Variants in ADAD1 observed in about 807,000 individuals in gnomAD.
ADAD1 encodes the protein adenosine deaminase domain containing 1.
In ADAD1, 46 loss-of-function variants were observed where a neutral mutation model predicts 66.8. The observed-to-expected ratio is 0.69, with a 90% confidence interval of 0.54 to 0.88. The LOEUF (loss-of-function observed/expected upper bound fraction) is 0.88. Among genes scored for constraint, ADAD1 ranks in the 40% least tolerant of loss-of-function variants. The pLI, the probability that ADAD1 is intolerant of heterozygous loss-of-function variation, is 0.00. For synonymous variants in ADAD1, 248 were observed against 229.4 expected (o/e 1.08, Z -0.73); for missense variants, 617 against 681.8 (o/e 0.91, Z 1.06).
intron 5 of ADAD1, among the ~76,000 whole-genome samples, chr4:122,384,774 C>A (rs886640149): frequency 1.3e-5 from 2 of 152,132 alleles, no homozygotes; most frequent in African/African-American, 2.4e-5. Flanking sequence ...ACTTTAGTTT[C>A]TAAAACATTT....
intron 8 of ADAD1, among the ~76,000 whole-genome samples, chr4:122,408,319 G>C (rs576769711): frequency 6.6e-6 from 1 of 152,264 alleles, no homozygotes; most frequent in East Asian, 1.9e-4. Flanking sequence ...TTGCTGCCCA[G>C]GCTGGAATAC....
chr4:122,422,467 G>A lies in ADAD1; in HGVS notation c.1617+1077G>A, dbSNP rs550369419. ...ATGTTACCATTATTAAATATTAAAT[G>A]TAAATTGTTTTGCTATCCTAATGCC... On this transcript the variant is annotated intron_variant, in intron 12 of 12. Transcript: ENST00000296513. Among the ~76,000 whole-genome samples, 26 of 152,232 alleles carry A rather than the reference G, an allele frequency of 1.7e-4. No homozygotes were observed. The South Asian group carries it at 4.1e-3, about 24-fold the overall frequency.
chr4:122,399,740 C>CTTTTTTTTTTT (rs145100591), intron 7 of ADAD1, among the ~76,000 whole-genome samples: 4 of 110,528 alleles, frequency 3.6e-5, no homozygotes, highest in East Asian at 2.6e-4. Flanking sequence ...ATTTTCTTTT[C>CTTTTTTTTTTT]TTTTTTTTTT....
chr4:122,398,265 C>T (rs534132314), intron 7 of ADAD1, among the ~76,000 whole-genome samples: 2 of 152,022 alleles, frequency 1.3e-5, no homozygotes, highest in South Asian at 2.1e-4. Context: ...TTCCTCGTTA[C>T]TTCCCTTAGA....
intron 12 of ADAD1, among the ~76,000 whole-genome samples, chr4:122,424,964 T>A (rs981363507): frequency 5.3e-5 from 8 of 152,004 alleles, no homozygotes; most frequent in African/African-American, 1.9e-4. Flanking sequence ...GAAATATTGC[T>A]AGAGACAGAG....
At chr4:122,402,633 T>G (rs186401247) in intron 7 of ADAD1, among the ~76,000 whole-genome samples, 2 of 152,140 alleles carry the variant, frequency 1.3e-5, no homozygotes, top group African/African-American at 4.8e-5. Flanking sequence ...AACACCATAG[T>G]TATTATGTTT....
In ADAD1 at chr4:122,412,666, C is replaced by G. The variant is rs760058062; in HGVS notation, c.1106C>G (p.Thr369Ser). 3 of 1,613,778 alleles carry G rather than the reference C, an allele frequency of 1.9e-6. No homozygotes were observed. The African/African-American group carries it at 4.0e-5, about 22-fold the overall frequency. The change falls in exon 10 of 13, where the codon ACT becomes AGT. Residue 369 changes from threonine to serine, a missense_variant. By Grantham distance (58) the Thr-to-Ser change is moderately conservative. Coordinates refer to ENST00000296513, the MANE Select transcript of ADAD1 (RefSeq NM_139243.4). ...GCTGTTGAAGGCAAAATTTATCTGACTGTTTACTGTCCTAAAGATGGTGTT... is the reference window on the plus strand; with the variant it reads ...GCTGTTGAAGGCAAAATTTATCTGAGTGTTTACTGTCCTAAAGATGGTGTT... ...HVAVEGKIYL[T>S]VYCPKDGVNR...
chr4:122,419,174 T>G (rs1364583554), intron 11 of ADAD1, among the ~76,000 whole-genome samples: 1 of 152,160 alleles, frequency 6.6e-6, no homozygotes, highest in Non-Finnish European at 1.5e-5. Context: ...GTGGTACATA[T>G]ACATCATGGA....
intron 7 of ADAD1, among the ~76,000 whole-genome samples, chr4:122,400,549 C>G (rs993892137): frequency 2.0e-5 from 3 of 152,086 alleles, no homozygotes; most frequent in African/African-American, 7.2e-5. Context: ...CCCTCTTTCT[C>G]CATCTTTTGG....
chr4:122,423,505 A>G (rs1190355901), intron 12 of ADAD1, among the ~76,000 whole-genome samples: 2 of 152,236 alleles, frequency 1.3e-5, no homozygotes, highest in African/African-American at 4.8e-5. Flanking sequence ...TCTCTTTCAC[A>G]TACAAGTTGA....
intron 10 of ADAD1, among the ~76,000 whole-genome samples, chr4:122,415,071 T>C (rs1484975919): frequency 6.6e-6 from 1 of 152,106 alleles, no homozygotes; most frequent in Non-Finnish European, 1.5e-5. Flanking sequence ...ATGTACCAGA[T>C]TTCTTTCTGA....
intron 8 of ADAD1, among the ~76,000 whole-genome samples, chr4:122,408,974 C>T (rs1011619795): frequency 2.6e-5 from 4 of 152,138 alleles, no homozygotes; most frequent in Admixed American, 6.5e-5. Flanking sequence ...GCTTTTGACC[C>T]GCACTAAGTA....
intron 11 of ADAD1, 57 bp from the exon 12 acceptor site, chr4:122,421,204 T>C: frequency 7.4e-7 from 1 of 1,357,428 alleles, no homozygotes; most frequent in Non-Finnish European, 9.9e-7. Flanking sequence ...ATCTATACAA[T>C]TGCCAACATA....
chr4:122,388,662 G>A lies in ADAD1; in HGVS notation c.529+4696G>A, dbSNP rs150340518. Among the ~76,000 whole-genome samples, 1,117 of 152,288 alleles carry A rather than the reference G, an allele frequency of 7.3e-3. 10 individuals carry two copies. The highest frequency in any genetic ancestry group is 0.029 in the South Asian group (139 of 4,822). On this transcript the variant is annotated intron_variant, in intron 5 of 12. Transcript: ENST00000296513. ...TTTTCTAGTTTATTTGTGTAGAGGT[G>A]TTTGTAGCATTCTCTGATGATAGTT...
At chr4:122,401,600 G>A (rs1795979773) in intron 7 of ADAD1, among the ~76,000 whole-genome samples, 1 of 152,056 alleles carries the variant, frequency 6.6e-6, no homozygotes, top group Non-Finnish European at 1.5e-5. Context: ...GAGTATTAAA[G>A]TCCCCGACTA....
intron 4 of ADAD1, 42 bp from the exon 5 acceptor site, chr4:122,383,754 TATA>T: frequency 6.5e-7 from 1 of 1,541,774 alleles, no homozygotes; most frequent in Non-Finnish European, 8.7e-7. Context: ...TTTGCAAGAA[TATA>T]ATAAAAATTA....
rs367937775 is a variant in ADAD1, at chr4:122,429,672, A to G, written c.1664A>G (p.Tyr555Cys). 8.1e-5 allele frequency: 131 copies of G among 1,613,482 alleles called. No individual in the cohort carries two copies. The highest frequency in any genetic ancestry group is 9.7e-5 in the Non-Finnish European group (114 of 1,179,692). Residue 555 changes from tyrosine to cysteine, a missense_variant, in exon 13 of 13, where the codon TAC (tyrosine) becomes TGC (cysteine). Tyr to Cys is a radical substitution (Grantham distance 194). Coordinates refer to ENST00000296513, the MANE Select transcript of ADAD1 (RefSeq NM_139243.4). ...GAAGCTAAATGTAAGTTGAAATCCT[A>G]CTTACAACAACATGGCTATGGATCC... The part of the protein sequence containing the change: ...YQEAKCKLKS[Y>C]LQQHGYGSWI...
At chr4:122,401,529 G>C (rs1450526412) in intron 7 of ADAD1, among the ~76,000 whole-genome samples, 7 of 152,136 alleles carry the variant, frequency 4.6e-5, no homozygotes, top group Non-Finnish European at 1.0e-4. Flanking sequence ...GTAGGGTATA[G>C]TTTAAGTCCA....
intron 5 of ADAD1, among the ~76,000 whole-genome samples, chr4:122,391,878 C>T (rs577791315): frequency 1.3e-4 from 20 of 152,000 alleles, no homozygotes; most frequent in Admixed American, 9.2e-4. Context: ...CCCAGCTGAC[C>T]TTTGTATTTT....
Sources: allele counts gnomAD v4.1 joint callset (sites outside exome capture counted in the v4.1 genomes callset), GRCh38; gene constraint gnomAD v4.1.1; transcripts MANE v1.5; gene names NCBI Gene and HGNC (gene_info 2026-07-23, HGNC 2026-07-21).